Variants in DTD1 observed in about 807,000 individuals in gnomAD.
DTD1 encodes the protein D-aminoacyl-tRNA deacylase 1, also known as D-tyrosyl-tRNA deacylase 1 homolog.
In DTD1, 13 loss-of-function variants were observed where a neutral mutation model predicts 25.6. The ratio of observed to expected loss-of-function variants is 0.51; its 90% confidence interval spans 0.33 to 0.81. DTD1 has a LOEUF of 0.81. Among genes scored for constraint, DTD1 ranks in the 30% least tolerant of loss-of-function variants. The pLI, the probability that DTD1 is intolerant of heterozygous loss-of-function variation, is 0.02. For synonymous variants in DTD1, 110 were observed against 103.6 expected (o/e 1.06, Z -0.37); for missense variants, 193 against 266.4 (o/e 0.72, Z 1.92).
chr20:18,708,335 TTA>T (rs1158565750), intron 4 of DTD1, among the ~76,000 whole-genome samples: 4 of 74,072 alleles, frequency 5.4e-5, no homozygotes, highest in African/African-American at 2.0e-4. Flanking sequence ...TATATATATT[TTA>T]TATATATATT....
At chr20:18,671,625 G>C (rs2060951392) in intron 4 of DTD1, among the ~76,000 whole-genome samples, 1 of 152,194 alleles carries the variant, frequency 6.6e-6, no homozygotes, top group Non-Finnish European at 1.5e-5. Context: ...ACTTTAATTG[G>C]TTGTTGTTAG....
chr20:18,631,638 A>C (rs6081262), intron 4 of DTD1: 530,418 of 985,016 alleles, frequency 0.54, 143,656 homozygotes, highest in Middle Eastern at 0.57. Context: ...TTTTCAGAAC[A>C]CTTTTCTTGC....
intron 4 of DTD1, chr20:18,675,038 T>C (rs2060964939): frequency 6.6e-6 from 1 of 152,220 alleles, no homozygotes; most frequent in African/African-American, 2.4e-5. Flanking sequence ...GCCAGGGGTG[T>C]CTCATGAGAT....
intron 4 of DTD1, among the ~76,000 whole-genome samples, chr20:18,733,294 C>T (rs1054627215): frequency 2.6e-5 from 4 of 152,182 alleles, no homozygotes; most frequent in Non-Finnish European, 5.9e-5. Context: ...ATACTCAGGC[C>T]TTGTGCCCGC....
At chr20:18,689,184 T>G (rs764552950) in intron 4 of DTD1, among the ~76,000 whole-genome samples, 48 of 152,272 alleles carry the variant, frequency 3.2e-4, no homozygotes, top group Non-Finnish European at 6.3e-4. Flanking sequence ...GGAAGTGGAC[T>G]TTACCAGAAT....
intron 5 of DTD1, among the ~76,000 whole-genome samples, chr20:18,753,663 A>G (rs2061329120): frequency 6.6e-6 from 1 of 151,650 alleles, no homozygotes; most frequent in Non-Finnish European, 1.5e-5. Flanking sequence ...ATGAGAAATA[A>G]TAGATGGGAG....
intron 5 of DTD1, among the ~76,000 whole-genome samples, chr20:18,751,275 C>T (rs1419707068): frequency 6.6e-6 from 1 of 152,008 alleles, no homozygotes; most frequent in East Asian, 1.9e-4. Context: ...GTGTTTTTAT[C>T]TTTTTTTAAC....
intron 4 of DTD1, among the ~76,000 whole-genome samples, chr20:18,708,300 ATATATAT>A: frequency 2.0e-5 from 1 of 50,952 alleles, no homozygotes; most frequent in Non-Finnish European, 3.6e-5. Flanking sequence ...TATATATAAT[ATATATAT>A]TTTATATATA....
intron 3 of DTD1, among the ~76,000 whole-genome samples, chr20:18,615,644 A>G (rs2060706305): frequency 6.6e-6 from 1 of 152,234 alleles, no homozygotes; most frequent in South Asian, 2.1e-4. Flanking sequence ...GCTCTGAGGC[A>G]TTTGTAATGG....
chr20:18,716,459 G>A (rs570959947), intron 4 of DTD1, among the ~76,000 whole-genome samples: 2 of 152,298 alleles, frequency 1.3e-5, no homozygotes, highest in South Asian at 2.1e-4. Context: ...GGTGGCTGCC[G>A]GGTCTCACGG....
At chr20:18,627,343 A>C (rs754096509) in intron 3 of DTD1, among the ~76,000 whole-genome samples, 4 of 152,186 alleles carry the variant, frequency 2.6e-5, no homozygotes, top group Non-Finnish European at 5.9e-5. Flanking sequence ...TCAGGGTGTG[A>C]GGCCTGCCTG....
intron 4 of DTD1, among the ~76,000 whole-genome samples, chr20:18,638,793 G>C (rs2060818135): frequency 6.6e-6 from 1 of 152,154 alleles, no homozygotes; most frequent in Non-Finnish European, 1.5e-5. Flanking sequence ...CTCAGGATCG[G>C]GGGATGTGTG....
chr20:18,599,641 A>G (rs1266256462), intron 3 of DTD1, among the ~76,000 whole-genome samples: 1 of 152,248 alleles, frequency 6.6e-6, no homozygotes, highest in East Asian at 1.9e-4. Flanking sequence ...CCCACCAGCA[A>G]TGAACGAGAG....
chr20:18,591,007 T>C (rs912842650), intron 1 of DTD1, among the ~76,000 whole-genome samples: 7 of 152,192 alleles, frequency 4.6e-5, no homozygotes, highest in African/African-American at 1.7e-4. Context: ...GAAGTAGAGA[T>C]CTCAGGTCTG....
intron 4 of DTD1, among the ~76,000 whole-genome samples, chr20:18,654,537 G>C (rs1209168451): frequency 6.6e-6 from 1 of 152,226 alleles, no homozygotes; most frequent in Non-Finnish European, 1.5e-5. Flanking sequence ...TCGAAGGCCA[G>C]CTCAGTTCAG....
intron 4 of DTD1, among the ~76,000 whole-genome samples, chr20:18,659,642 C>G (rs1358559794): frequency 1.3e-5 from 2 of 151,966 alleles, no homozygotes; most frequent in African/African-American, 4.8e-5. Flanking sequence ...CCTCAGCAAA[C>G]TAACATAGGA....
chr20:18,708,457 G>T (rs1326034908), intron 4 of DTD1, among the ~76,000 whole-genome samples: 1 of 144,082 alleles, frequency 6.9e-6, no homozygotes, highest in African/African-American at 2.6e-5. Context: ...CCTGGTTCAA[G>T]CGATTCTCGT....
chr20:18,683,220 A>AGCTTTTC (rs2061004156), intron 4 of DTD1, among the ~76,000 whole-genome samples: 2 of 152,166 alleles, frequency 1.3e-5, no homozygotes, highest in South Asian at 4.1e-4. Flanking sequence ...GGTGGTTCCA[A>AGCTTTTC]AGTTGGCCCT....
At chr20:18,634,281 A>T (rs866637380) in intron 4 of DTD1, among the ~76,000 whole-genome samples, 4 of 152,126 alleles carry the variant, frequency 2.6e-5, no homozygotes, top group Non-Finnish European at 4.4e-5. Context: ...TGAGCCTCAC[A>T]TGGATTGGGG....
Sources: gnomAD v4.1 joint callset for allele counts (sites outside exome capture counted in the v4.1 genomes callset) on GRCh38, gnomAD v4.1.1 for gene constraint, MANE v1.5 for transcripts, NCBI Gene and HGNC (gene_info 2026-07-23, HGNC 2026-07-21) for gene names.